The following COLEC10 variants were observed in gnomAD, a reference collection of about 807,000 sequenced individuals.
The protein encoded by COLEC10 is collectin-10.
A neutral mutation model predicts 28.4 loss-of-function variants in COLEC10; 22 were observed. The observed-to-expected ratio is 0.78, with a 90% CI of 0.55 to 1.11. The LOEUF is 1.11. COLEC10 is among the 50% of genes least tolerant of loss of function. COLEC10 has a pLI of 0.00. For synonymous variants in COLEC10, 125 were observed against 116.1 expected, an observed-to-expected ratio of 1.08 and a Z score of -0.49; for missense variants, 361 against 344.1, an observed-to-expected ratio of 1.05 and a Z score of -0.39.
At chr8:119,074,013 T>C (rs1028137407) in intron 1 of COLEC10, among the ~76,000 whole-genome samples, 3 of 151,710 alleles carry the variant, frequency 2.0e-5, no homozygotes, top group Admixed American at 1.3e-4. Flanking sequence ...TATACGTGTA[T>C]ATATATAGTT....
chr8:118,963,192 TAACAACTACC>T, the COLEC10 span, among the ~76,000 whole-genome samples: 9 of 152,160 alleles, frequency 5.9e-5, no homozygotes, highest in African/African-American at 2.2e-4. Flanking sequence ...ATAAAGGTAA[TAACAACTACC>T]ATTTATAGAA....
intron 1 of COLEC10, among the ~76,000 whole-genome samples, chr8:119,073,464 A>T (rs974055421): frequency 2.0e-5 from 3 of 152,180 alleles, no homozygotes; most frequent in African/African-American, 7.2e-5. Context: ...GTTTTCCCAA[A>T]ACTTTTTATT....
intron 1 of COLEC10, among the ~76,000 whole-genome samples, chr8:118,997,272 T>A (rs1346366204): frequency 6.6e-6 from 1 of 152,160 alleles, no homozygotes; most frequent in Non-Finnish European, 1.5e-5. Context: ...TTTCACTCTG[T>A]TGATTGTTTC....
intron 1 of COLEC10, among the ~76,000 whole-genome samples, chr8:119,088,703 T>C (rs889169540): frequency 6.6e-6 from 1 of 152,204 alleles, no homozygotes; most frequent in African/African-American, 2.4e-5. Flanking sequence ...TTCTTTGTTT[T>C]CAAAGCACAT....
At chr8:119,103,097 T>C (rs1431842526) in intron 4 of COLEC10, among the ~76,000 whole-genome samples, 2 of 152,156 alleles carry the variant, frequency 1.3e-5, no homozygotes, top group African/African-American at 2.4e-5. Context: ...AGCCATTAAA[T>C]AGAAAAAGAG....
chr8:119,015,422 T>C (rs1357683028), intron 2 of COLEC10, among the ~76,000 whole-genome samples: 1 of 149,614 alleles, frequency 6.7e-6, no homozygotes, highest in East Asian at 1.9e-4. Context: ...AGGCTTTGGT[T>C]GAATAGTTTC....
chr8:119,014,771 TTC>T (rs1425718174), intron 2 of COLEC10, among the ~76,000 whole-genome samples: 1 of 151,224 alleles, frequency 6.6e-6, no homozygotes, highest in Non-Finnish European at 1.5e-5. Context: ...TTTGCTTTTA[TTC>T]TCTTTGCTTT....
chr8:118,952,445 G>T, the COLEC10 span, among the ~76,000 whole-genome samples: 1 of 152,342 alleles, frequency 6.6e-6, no homozygotes, highest in African/African-American at 2.4e-5. Context: ...AAATTACAGG[G>T]CCCCTCTTTA....
the COLEC10 span, among the ~76,000 whole-genome samples, chr8:118,988,698 G>T: frequency 6.6e-6 from 1 of 152,140 alleles, no homozygotes; most frequent in African/African-American, 2.4e-5. Context: ...AATAACAGTG[G>T]ATTATAGCTG....
chr8:119,094,411 G>C (rs1251630769), intron 3 of COLEC10, among the ~76,000 whole-genome samples: 1 of 152,122 alleles, frequency 6.6e-6, no homozygotes, highest in Non-Finnish European at 1.5e-5. Context: ...ACAAAATTCA[G>C]ACTTCTGCTA....
intron 1 of COLEC10, among the ~76,000 whole-genome samples, chr8:119,070,439 C>A (rs1815079712): frequency 8.6e-6 from 1 of 116,218 alleles, no homozygotes; most frequent in African/African-American, 4.9e-5. Context: ...ATGAAATGTT[C>A]TCCCTCGCTC....
rs368134792 is a variant in COLEC10, at chr8:119,087,029, C to A, written c.149-2651C>A. ...CCATTTCCTTTTCTGTAAAATGGAG[C>A]AAAGGATAGTATCCATCTCAAAGCT... On this transcript the variant is annotated intron_variant, in intron 1 of 5. Coordinates refer to ENST00000332843, the MANE Select transcript of COLEC10 (RefSeq NM_006438.5). Among the ~76,000 whole-genome samples, 7 of 152,300 alleles carry A rather than the reference C, an allele frequency of 4.6e-5. No individual in the cohort carries two copies. In the East Asian group the frequency reaches 1.2e-3, roughly 25 times the overall value.
At chr8:118,952,520 C>G in the COLEC10 span, among the ~76,000 whole-genome samples, 3 of 152,202 alleles carry the variant, frequency 2.0e-5, no homozygotes, top group African/African-American at 7.2e-5. Context: ...TTTACATAAA[C>G]CATGTAGTAG....
chr8:119,091,913 G>A (rs1563741424), intron 3 of COLEC10, among the ~76,000 whole-genome samples: 1 of 152,068 alleles, frequency 6.6e-6, no homozygotes, highest in Non-Finnish European at 1.5e-5. Flanking sequence ...AATGATACAT[G>A]ATTATTAATA....
At chr8:118,990,972 A>AG (rs1813496454), upstream of COLEC10, among the ~76,000 whole-genome samples, 1 of 151,226 alleles carries the variant, frequency 6.6e-6, no homozygotes, top group African/African-American at 2.4e-5. Context: ...AATTAAAGAA[A>AG]AAAAAAACAA....
At chr8:118,994,566 C>G (rs769580824), upstream of COLEC10, among the ~76,000 whole-genome samples, 2 of 152,092 alleles carry the variant, frequency 1.3e-5, no homozygotes, top group South Asian at 2.1e-4. Flanking sequence ...GACAAGGAAA[C>G]AAAGTCGGCC....
chr8:119,083,705 A>T (rs187813984), intron 1 of COLEC10, among the ~76,000 whole-genome samples: 1 of 152,204 alleles, frequency 6.6e-6, no homozygotes, highest in Non-Finnish European at 1.5e-5. Context: ...TTAATTATTT[A>T]GTATAAGATT....
At chr8:118,986,570 T>A in the COLEC10 span, among the ~76,000 whole-genome samples, 27 of 152,288 alleles carry the variant, frequency 1.8e-4, no homozygotes, top group South Asian at 5.4e-3. Context: ...TTGAAAGTAA[T>A]GTTTGGATGC....
chr8:119,051,586 C>T (rs1814675771), intron 2 of COLEC10, among the ~76,000 whole-genome samples: 1 of 152,092 alleles, frequency 6.6e-6, no homozygotes, highest in African/African-American at 2.4e-5. Context: ...ACAGAATGCT[C>T]ATTAACGCAT....
Sources: allele counts gnomAD v4.1 joint callset (sites outside exome capture counted in the v4.1 genomes callset), GRCh38; gene constraint gnomAD v4.1.1; transcripts MANE v1.5; gene names NCBI Gene and HGNC (gene_info 2026-07-23, HGNC 2026-07-21).